The following STAC variants were observed in gnomAD, a reference collection of about 807,000 sequenced individuals.
STAC encodes SH3 and cysteine-rich domain-containing protein.
STAC carries 43 observed loss-of-function variants against 48.8 expected under a neutral mutation model. That is an observed-to-expected ratio of 0.88 (90% CI 0.69 to 1.14). The LOEUF (loss-of-function observed/expected upper bound fraction) is 1.14, where lower values mean the gene tolerates loss of function less well. STAC is among the 50% of genes most tolerant of loss of function. The pLI is 0.00. For missense variants in STAC, 497 were observed against 504.0 expected (o/e 0.99, Z 0.13); for synonymous variants, 193 against 179.5 (o/e 1.07, Z -0.60).
At chr3:36,476,445 C>T (rs1027694665) in intron 2 of STAC, among the ~76,000 whole-genome samples, 2 of 152,116 alleles carry the variant, frequency 1.3e-5, no homozygotes, top group African/African-American at 4.8e-5. Context: ...GCATGAGCCG[C>T]CCTCAAGAGG....
In STAC at chr3:36,388,511, CTA is replaced by C. The variant is rs1250931164; in HGVS notation, c.111+7759_111+7760del. Among the ~76,000 whole-genome samples, 4 of 151,920 alleles carry C rather than the reference CTA, an allele frequency of 2.6e-5. No homozygotes were observed. In the South Asian group the frequency reaches 8.3e-4, roughly 32 times the overall value. On this transcript the variant is annotated intron_variant, in intron 1 of 10. Transcript: ENST00000273183. ...TTTTAAATGTCTCAAATTTATTTAGCTATGTTTTCTTCTTTTCAATTATATTT... is the reference window on the plus strand; with the variant it reads ...TTTTAAATGTCTCAAATTTATTTAGCTGTTTTCTTCTTTTCAATTATATTT...
intron 2 of STAC, among the ~76,000 whole-genome samples, chr3:36,462,671 G>T (rs1697050685): frequency 6.6e-6 from 1 of 152,138 alleles, no homozygotes; most frequent in Non-Finnish European, 1.5e-5. Context: ...AGGAGAGAAT[G>T]ATCAGCCTTG....
intron 1 of STAC, among the ~76,000 whole-genome samples, chr3:36,384,904 A>G (rs1699584621): frequency 6.6e-6 from 1 of 152,154 alleles, no homozygotes; most frequent in Non-Finnish European, 1.5e-5. Flanking sequence ...ATCAGCAATT[A>G]TTTATTGAGT....
chr3:36,432,611 G>A (rs960829957), intron 1 of STAC, among the ~76,000 whole-genome samples: 1 of 151,908 alleles, frequency 6.6e-6, no homozygotes, highest in Non-Finnish European at 1.5e-5. Flanking sequence ...CCGAGGCAGG[G>A]CAAATTTCTT....
intron 5 of STAC, among the ~76,000 whole-genome samples, chr3:36,492,031 A>AAAAAAAAAATAT (rs1553639882): frequency 1.8e-4 from 3 of 16,438 alleles, no homozygotes; most frequent in Non-Finnish European, 2.4e-4. Flanking sequence ...AAAAAAAAAA[A>AAAAAAAAAATAT]ATATATATAT....
chr3:36,505,485 T>G (rs567988805), intron 7 of STAC, among the ~76,000 whole-genome samples: 2 of 152,292 alleles, frequency 1.3e-5, no homozygotes, highest in African/African-American at 4.8e-5. Context: ...CAAAGAAAAT[T>G]TATTTGAAGA....
chr3:36,460,766 T>C (rs55768528), intron 2 of STAC, among the ~76,000 whole-genome samples: 20,687 of 152,146 alleles, frequency 0.14, 1,600 homozygotes, highest in African/African-American at 0.21. Flanking sequence ...CTAACTAATA[T>C]GGTTAAAAGT....
intron 8 of STAC, 135 bp from the exon 9 acceptor site, chr3:36,528,561 G>A: frequency 1.4e-6 from 1 of 710,648 alleles, no homozygotes; most frequent in Admixed American, 3.4e-5. Context: ...AGGAAGAACT[G>A]GTAAAAGTTA....
intron 1 of STAC, among the ~76,000 whole-genome samples, chr3:36,405,686 TCTTG>T (rs1424472899): frequency 1.3e-5 from 2 of 152,238 alleles, no homozygotes; most frequent in Non-Finnish European, 2.9e-5. Context: ...ATCATGTGTT[TCTTG>T]CTTCCATTTC....
chr3:36,388,310 T>C (rs1699667678), intron 1 of STAC, among the ~76,000 whole-genome samples: 1 of 152,162 alleles, frequency 6.6e-6, no homozygotes, highest in Non-Finnish European at 1.5e-5. Flanking sequence ...ATGTGAATTA[T>C]CTGTTCATGT....
intron 8 of STAC, among the ~76,000 whole-genome samples, chr3:36,509,990 C>T (rs1327516525): frequency 6.6e-6 from 1 of 152,032 alleles, no homozygotes; most frequent in Non-Finnish European, 1.5e-5. Flanking sequence ...AGTTTGTGCA[C>T]AGCAAAAGAA....
intron 1 of STAC, among the ~76,000 whole-genome samples, chr3:36,435,430 C>T (rs117461354): frequency 1.2e-4 from 19 of 152,262 alleles, no homozygotes; most frequent in Middle Eastern, 3.4e-3. Context: ...CAACTACCCA[C>T]GGACATGGCT....
intron 2 of STAC, among the ~76,000 whole-genome samples, chr3:36,474,017 T>C (rs891160495): frequency 6.6e-6 from 1 of 152,208 alleles, no homozygotes; most frequent in African/African-American, 2.4e-5. Context: ...TGATAGTGTA[T>C]GTAATCACCA....
At chr3:36,531,965 T>C (rs1461480445) in intron 10 of STAC, among the ~76,000 whole-genome samples, 1 of 152,222 alleles carries the variant, frequency 6.6e-6, no homozygotes, top group Admixed American at 6.5e-5. Flanking sequence ...ACTTTCATGG[T>C]ATATTTTACA....
intron 1 of STAC, among the ~76,000 whole-genome samples, chr3:36,384,689 A>G (rs1487659018): frequency 6.6e-6 from 1 of 152,124 alleles, no homozygotes. Context: ...CCCCAAGAAG[A>G]TAAGACATAG....
chr3:36,534,014 C>T (rs1699136957), intron 10 of STAC, among the ~76,000 whole-genome samples: 2 of 152,022 alleles, frequency 1.3e-5, no homozygotes, highest in Non-Finnish European at 2.9e-5. Flanking sequence ...GAAAAAAATG[C>T]TTTTAAAAAT....
chr3:36,398,125 G>A (rs1263042484), intron 1 of STAC, among the ~76,000 whole-genome samples: 1 of 151,952 alleles, frequency 6.6e-6, no homozygotes, highest in Admixed American at 6.6e-5. Flanking sequence ...AGCTCTCTGA[G>A]CCCGTGCATC....
At chr3:36,507,843 ATT>A (rs1698441340) in intron 8 of STAC, among the ~76,000 whole-genome samples, 1 of 151,892 alleles carries the variant, frequency 6.6e-6, no homozygotes, top group African/African-American at 2.4e-5. Context: ...CAGTCTATCT[ATT>A]TTGTTAATCT....
intron 1 of STAC, among the ~76,000 whole-genome samples, chr3:36,440,536 A>T (rs1219254073): frequency 1.3e-5 from 2 of 152,200 alleles, no homozygotes; most frequent in Non-Finnish European, 2.9e-5. Flanking sequence ...TTCTAGAGGG[A>T]GGACAGAAGT....
Sources: allele counts gnomAD v4.1 joint callset (sites outside exome capture counted in the v4.1 genomes callset), GRCh38; gene constraint gnomAD v4.1.1; transcripts MANE v1.5; gene names NCBI Gene and HGNC (gene_info 2026-07-23, HGNC 2026-07-21).